ATF7: variants seen among roughly 807,000 people sequenced by gnomAD.
The protein encoded by ATF7 is activating transcription factor 7.
ATF7 carries 10 observed loss-of-function variants against 50.4 expected under a neutral mutation model. The observed-to-expected ratio is 0.20, with a 90% confidence interval of 0.12 to 0.34. The LOEUF is 0.34. Among genes scored for constraint, ATF7 ranks in the 10% least tolerant of loss-of-function variants. ATF7 has a pLI of 1.00. For missense variants in ATF7, 465 were observed against 613.9 expected (o/e 0.76, Z 2.56); for synonymous variants, 201 against 226.4 (o/e 0.89, Z 1.01).
chr12:53,537,130 A>C (rs1479210253), intron 5 of ATF7, among the ~76,000 whole-genome samples: 1 of 150,594 alleles, frequency 6.6e-6, no homozygotes, highest in Non-Finnish European at 1.5e-5. Context: ...GGTGCAGTGG[A>C]GCAATCACAG....
At chr12:53,527,551 G>A (rs1312710118) in intron 9 of ATF7, among the ~76,000 whole-genome samples, 3 of 152,124 alleles carry the variant, frequency 2.0e-5, no homozygotes, top group African/African-American at 4.8e-5. Flanking sequence ...TTGGGAGGCC[G>A]AGGCAGGTGG....
At chr12:53,569,785 T>C (rs903055397) in intron 2 of ATF7, among the ~76,000 whole-genome samples, 1 of 152,048 alleles carries the variant, frequency 6.6e-6, no homozygotes, top group African/African-American at 2.4e-5. Context: ...TTCAAAGGAT[T>C]CTCCTGCCTC....
At chr12:53,606,713 CT>C (rs1943623197) in intron 1 of ATF7, among the ~76,000 whole-genome samples, 1 of 112,062 alleles carries the variant, frequency 8.9e-6, no homozygotes, top group Non-Finnish European at 1.7e-5. Flanking sequence ...TCCCTCCCCC[CT>C]CCCCCCACCC....
chr12:53,586,100 C>G (rs2137734307), intron 2 of ATF7, among the ~76,000 whole-genome samples: 1 of 152,240 alleles, frequency 6.6e-6, no homozygotes, highest in East Asian at 1.9e-4. Context: ...TGAAAGAAGG[C>G]TGAAATAAAG....
chr12:53,551,647 T>A (rs747727935), intron 3 of ATF7, among the ~76,000 whole-genome samples: 1 of 152,218 alleles, frequency 6.6e-6, no homozygotes, highest in Non-Finnish European at 1.5e-5. Flanking sequence ...CCTTTCATCA[T>A]GTATGGAAGT....
chr12:53,540,354 A>C (rs1220295787), intron 4 of ATF7, among the ~76,000 whole-genome samples: 1 of 141,948 alleles, frequency 7.0e-6, no homozygotes, highest in African/African-American at 2.8e-5. Context: ...CTCCGTCTCA[A>C]AAAAAAAAAA....
chr12:53,515,029 G>A lies in ATF7; in HGVS notation c.*2108C>T, dbSNP rs1937631027. On this transcript the variant is annotated 3_prime_UTR_variant, in exon 12 of 12. Transcript: ENST00000420353. Reference sequence around the variant, plus strand: ...CGGCTGTGAATTTTTAAAGGCAAAAGTGAAGTCCCTGGATGTGGTAACCTG... The same window carrying A: ...CGGCTGTGAATTTTTAAAGGCAAAAATGAAGTCCCTGGATGTGGTAACCTG... 6.6e-6 allele frequency: 1 copy of A among 152,242 alleles called. No homozygotes were observed. The highest frequency in any genetic ancestry group is 2.1e-4 in the South Asian group (1 of 4,834). The allele number at this position is 152,242 out of a possible 1,614,324, so 9.4% of individuals were successfully genotyped here.
intron 3 of ATF7, among the ~76,000 whole-genome samples, chr12:53,550,633 C>G (rs909807319): frequency 1.8e-4 from 28 of 152,142 alleles, no homozygotes; most frequent in African/African-American, 6.5e-4. Flanking sequence ...TAATGAATAA[C>G]AAAGGAGAAG....
chr12:53,568,596 C>T (rs1941580454), intron 2 of ATF7, among the ~76,000 whole-genome samples: 1 of 152,134 alleles, frequency 6.6e-6, no homozygotes, highest in Non-Finnish European at 1.5e-5. Flanking sequence ...TCTATATAAA[C>T]CATAAACTGG....
At chr12:53,603,218 T>A (rs982868440) in intron 1 of ATF7, among the ~76,000 whole-genome samples, 1 of 152,162 alleles carries the variant, frequency 6.6e-6, no homozygotes, top group Non-Finnish European at 1.5e-5. Flanking sequence ...TGGGACAGTA[T>A]TGGCATAGGA....
At chr12:53,579,986 A>T (rs974065701) in intron 2 of ATF7, among the ~76,000 whole-genome samples, 4 of 151,960 alleles carry the variant, frequency 2.6e-5, no homozygotes, top group Admixed American at 1.3e-4. Flanking sequence ...GCCAGGCTGG[A>T]GTGGCACGAT....
chr12:53,549,918 T>G (rs1940220351), intron 3 of ATF7, among the ~76,000 whole-genome samples: 1 of 152,066 alleles, frequency 6.6e-6, no homozygotes, highest in Non-Finnish European at 1.5e-5. Context: ...GGGTTTCACC[T>G]CGTTAGTGAG....
chr12:53,565,661 T>C (rs1941409819), intron 2 of ATF7, among the ~76,000 whole-genome samples: 1 of 151,884 alleles, frequency 6.6e-6, no homozygotes, highest in South Asian at 2.1e-4. Context: ...CCCGGATAAT[T>C]TTTATAGTTT....
intron 9 of ATF7, among the ~76,000 whole-genome samples, chr12:53,529,528 G>C (rs1053202743): frequency 6.7e-6 from 1 of 149,450 alleles, no homozygotes; most frequent in Non-Finnish European, 1.5e-5. Flanking sequence ...TAGTAGAGAC[G>C]GGTTTCACCA....
chr12:53,625,954 A>C (rs1320617264), intron 1 of ATF7: 4 of 152,082 alleles, frequency 2.6e-5, no homozygotes, highest in Non-Finnish European at 5.9e-5. Context: ...TACTTACACC[A>C]AGTTCTCCCC....
At chr12:53,550,331 A>AAT (rs1940263896) in intron 3 of ATF7, among the ~76,000 whole-genome samples, 8 of 123,650 alleles carry the variant, frequency 6.5e-5, no homozygotes, top group Non-Finnish European at 1.3e-4. Context: ...CTCAAAAAAA[A>AAT]AAATAAATAA....
At chr12:53,620,502 G>C (rs1447281492) in intron 1 of ATF7, among the ~76,000 whole-genome samples, 1 of 149,194 alleles carries the variant, frequency 6.7e-6, no homozygotes, top group African/African-American at 2.5e-5. Flanking sequence ...CGTGAACCCG[G>C]GAGGCGGAGC....
intron 1 of ATF7, among the ~76,000 whole-genome samples, chr12:53,625,441 CAT>C (rs1232233228): frequency 2.6e-5 from 4 of 152,186 alleles, no homozygotes; most frequent in Middle Eastern, 3.2e-3. Flanking sequence ...AGGCTAAAGA[CAT>C]GTGTATATCA....
chr12:53,520,441 G>A (rs1222925940), intron 11 of ATF7, among the ~76,000 whole-genome samples: 1 of 152,136 alleles, frequency 6.6e-6, no homozygotes, highest in Non-Finnish European at 1.5e-5. Context: ...AGCTGGGCAT[G>A]GTGGTGCACG....
Sources: gnomAD v4.1 joint callset for allele counts (sites outside exome capture counted in the v4.1 genomes callset) on GRCh38, gnomAD v4.1.1 for gene constraint, MANE v1.5 for transcripts, NCBI Gene and HGNC (gene_info 2026-07-23, HGNC 2026-07-21) for gene names.